Variants in SYT17 observed in about 807,000 individuals in gnomAD.
SYT17 encodes the protein synaptotagmin-17.
In SYT17, 22 loss-of-function variants were observed where a neutral mutation model predicts 46.7. The observed-to-expected ratio is 0.47, with a 90% CI of 0.34 to 0.67. The LOEUF (loss-of-function observed/expected upper bound fraction) is 0.67. Among genes scored for constraint, SYT17 ranks in the 30% least tolerant of loss-of-function variants. SYT17 has a pLI of 0.01. For missense variants in SYT17, 519 were observed against 612.8 expected (o/e 0.85, Z 1.62); for synonymous variants, 251 against 248.4 (o/e 1.01, Z -0.10).
chr16:19,197,434 G>GTTTA (rs1965293424), intron 5 of SYT17, among the ~76,000 whole-genome samples: 1 of 147,554 alleles, frequency 6.8e-6, no homozygotes, highest in Admixed American at 6.8e-5. Flanking sequence ...TGTTTTGTTT[G>GTTTA]TTTGTTTGTT....
intron 7 of SYT17, among the ~76,000 whole-genome samples, chr16:19,247,888 A>G (rs1967696669): frequency 6.6e-6 from 1 of 152,232 alleles, no homozygotes. Context: ...CTTCAACAGG[A>G]TTGAAAACCT....
chr16:19,232,017 A>G (rs1037221835), intron 7 of SYT17, among the ~76,000 whole-genome samples: 1 of 152,170 alleles, frequency 6.6e-6, no homozygotes, highest in African/African-American at 2.4e-5. Flanking sequence ...AGGAGGTATT[A>G]ATCAGCAGAG....
intron 3 of SYT17, among the ~76,000 whole-genome samples, chr16:19,176,340 A>G (rs1964313233): frequency 6.6e-6 from 1 of 152,218 alleles, no homozygotes; most frequent in Non-Finnish European, 1.5e-5. Flanking sequence ...AAATGGTGCT[A>G]GAATCATGCC....
intron 5 of SYT17, among the ~76,000 whole-genome samples, chr16:19,191,572 CTGAA>C (rs1965021486): frequency 6.6e-6 from 1 of 152,140 alleles, no homozygotes; most frequent in African/African-American, 2.4e-5. Flanking sequence ...TTACAGCAGC[CTGAA>C]TGGACTAAGA....
chr16:19,233,000 G>C (rs761663760), intron 7 of SYT17, among the ~76,000 whole-genome samples: 1 of 152,138 alleles, frequency 6.6e-6, no homozygotes, highest in African/African-American at 2.4e-5. Context: ...CAACCCAGGC[G>C]TCTGGGTTTT....
chr16:19,251,258 C>T (rs1027013269), intron 7 of SYT17, among the ~76,000 whole-genome samples: 2 of 152,192 alleles, frequency 1.3e-5, no homozygotes, highest in Admixed American at 6.5e-5. Context: ...AAATCCCGCT[C>T]TACCACTGGA....
At chr16:19,224,890 A>T in intron 7 of SYT17, 52 bp downstream of exon 7, 1 of 1,601,824 alleles carries the variant, frequency 6.2e-7, no homozygotes, top group Non-Finnish European at 8.5e-7. Flanking sequence ...CGTCAAACTT[A>T]CTGTCCTAGA....
chr16:19,223,288 A>G, intron 6 of SYT17, 123 bp downstream of exon 6: 2 of 1,235,818 alleles, frequency 1.6e-6, no homozygotes, highest in Non-Finnish European at 2.2e-6. Flanking sequence ...AGGCAGGTAA[A>G]TGATGCCATC....
chr16:19,214,694 C>T (rs1025353912), intron 5 of SYT17, among the ~76,000 whole-genome samples: 5 of 152,162 alleles, frequency 3.3e-5, no homozygotes, highest in South Asian at 2.1e-4. Context: ...GGCAACTCTC[C>T]TTTTCCTCCA....
At chr16:19,191,367 G>A (rs988761917) in intron 5 of SYT17, among the ~76,000 whole-genome samples, 2 of 152,172 alleles carry the variant, frequency 1.3e-5, no homozygotes, top group African/African-American at 2.4e-5. Context: ...TGAGATTAGC[G>A]CCCTTGTAAA....
At chr16:19,188,207 C>G (rs1168862952) in intron 5 of SYT17, among the ~76,000 whole-genome samples, 5 of 152,156 alleles carry the variant, frequency 3.3e-5, no homozygotes, top group Non-Finnish European at 7.4e-5. Context: ...AGCTGGAGGC[C>G]ATTATCCTCA....
chr16:19,191,055 ATGCCCCGT>A, intron 5 of SYT17, among the ~76,000 whole-genome samples: 2 of 152,024 alleles, frequency 1.3e-5, no homozygotes, highest in African/African-American at 2.4e-5. Context: ...GAGAGATTAG[ATGCCCCGT>A]GGCCATGCGG....
intron 7 of SYT17, among the ~76,000 whole-genome samples, chr16:19,254,478 G>T (rs3826252): frequency 4.0e-5 from 6 of 151,860 alleles, no homozygotes; most frequent in Non-Finnish European, 7.4e-5. Context: ...GGGCACTGAC[G>T]GGGGAAGATC....
chr16:19,209,401 C>A (rs117313592), intron 5 of SYT17, among the ~76,000 whole-genome samples: 1 of 152,238 alleles, frequency 6.6e-6, no homozygotes, highest in East Asian at 1.9e-4. Context: ...GCTGATAACA[C>A]AACAAGGTGC....
At chr16:19,263,734 C>T (rs893117279) in intron 7 of SYT17, among the ~76,000 whole-genome samples, 1 of 149,268 alleles carries the variant, frequency 6.7e-6, no homozygotes, top group African/African-American at 2.5e-5. Context: ...GTGGAAACAA[C>T]CCAAATGTCC....
At chr16:19,222,045 A>G (rs1006615944) in intron 5 of SYT17, among the ~76,000 whole-genome samples, 1 of 152,162 alleles carries the variant, frequency 6.6e-6, no homozygotes, top group Non-Finnish European at 1.5e-5. Flanking sequence ...ATATGACTGG[A>G]AATTTCCCAC....
At chr16:19,228,723 A>G (rs1014378459) in intron 7 of SYT17, among the ~76,000 whole-genome samples, 3 of 152,236 alleles carry the variant, frequency 2.0e-5, no homozygotes, top group African/African-American at 7.2e-5. Context: ...TTAAGCCAGT[A>G]TGTATCTCAG....
At chr16:19,198,258 T>G (rs1544356) in intron 5 of SYT17, among the ~76,000 whole-genome samples, 82,114 of 151,950 alleles carry the variant, frequency 0.54, 22,401 homozygotes, top group African/African-American at 0.61. Flanking sequence ...AACACTGATC[T>G]CAGTAGTACT....
At chr16:19,225,584 A>G (rs150147115) in intron 7 of SYT17, among the ~76,000 whole-genome samples, 1 of 152,358 alleles carries the variant, frequency 6.6e-6, no homozygotes, top group African/African-American at 2.4e-5. Context: ...ACCTCTGACA[A>G]GGCTGCAATC....
Sources: allele counts gnomAD v4.1 joint callset (sites outside exome capture counted in the v4.1 genomes callset), GRCh38; gene constraint gnomAD v4.1.1; transcripts MANE v1.5; gene names NCBI Gene and HGNC (gene_info 2026-07-23, HGNC 2026-07-21).